The following CATSPER3 variants were observed in gnomAD, a reference collection of about 807,000 sequenced individuals.
The protein encoded by CATSPER3 is cation channel sperm-associated protein 3.
In CATSPER3, 23 loss-of-function variants were observed where a neutral mutation model predicts 36.6. The observed-to-expected ratio is 0.63, with a 90% CI of 0.45 to 0.89. CATSPER3 has a LOEUF of 0.89. Among genes scored for constraint, CATSPER3 ranks in the 40% least tolerant of loss-of-function variants. The pLI is 0.00. For missense variants in CATSPER3, 474 were observed against 503.9 expected (o/e 0.94, Z 0.57); for synonymous variants, 172 against 184.1 (o/e 0.93, Z 0.53).
chr5:135,009,957 A>T (rs112317531), intron 6 of CATSPER3, among the ~76,000 whole-genome samples: 7,218 of 152,288 alleles, frequency 0.047, 561 homozygotes, highest in African/African-American at 0.16. Flanking sequence ...GCATGATGCA[A>T]CCATGAGGGA....
chr5:135,011,443 C>T (rs900239176), intron 7 of CATSPER3, 78 bp from the exon 8 acceptor site: 22 of 975,506 alleles, frequency 2.3e-5, no homozygotes, highest in Non-Finnish European at 2.9e-5. Flanking sequence ...CAGGTGCAAA[C>T]GTGTGGTCAG....
intron 3 of CATSPER3, among the ~76,000 whole-genome samples, chr5:135,005,059 A>G (rs116502445): frequency 9.1e-4 from 138 of 152,280 alleles, no homozygotes; most frequent in African/African-American, 3.3e-3. Context: ...AGGACCACAC[A>G]GGGAGGAGGG....
chr5:135,011,018 T>C (rs1383447605), intron 7 of CATSPER3, among the ~76,000 whole-genome samples: 1 of 152,068 alleles, frequency 6.6e-6, no homozygotes. Flanking sequence ...TCAGTGTGAG[T>C]CAGCTGGGAT....
At chr5:134,987,184 G>C (rs1751821800) in intron 2 of CATSPER3, among the ~76,000 whole-genome samples, 2 of 152,160 alleles carry the variant, frequency 1.3e-5, no homozygotes, top group Non-Finnish European at 2.9e-5. Context: ...CATTTCTACT[G>C]ATCTTATAGA....
intron 4 of CATSPER3, among the ~76,000 whole-genome samples, chr5:135,008,581 G>A (rs971710036): frequency 3.9e-5 from 6 of 152,134 alleles, no homozygotes; most frequent in Non-Finnish European, 8.8e-5. Context: ...GAGAGGCAGT[G>A]TCTTTCTGGG....
intron 2 of CATSPER3, among the ~76,000 whole-genome samples, chr5:134,979,213 T>C (rs1341393998): frequency 6.6e-6 from 1 of 152,112 alleles, no homozygotes; most frequent in East Asian, 1.9e-4. Flanking sequence ...CACAGATCGT[T>C]GCAGCCTCAG....
intron 2 of CATSPER3, among the ~76,000 whole-genome samples, chr5:134,984,155 C>T (rs1239032415): frequency 6.6e-6 from 1 of 152,156 alleles, no homozygotes; most frequent in African/African-American, 2.4e-5. Flanking sequence ...TAAAGACTTA[C>T]ATCTAACACC....
chr5:134,987,689 A>G (rs1751828588), intron 2 of CATSPER3, among the ~76,000 whole-genome samples: 1 of 152,212 alleles, frequency 6.6e-6, no homozygotes, highest in Non-Finnish European at 1.5e-5. Context: ...ACACCAGTAG[A>G]GTGAAGGAAA....
intron 2 of CATSPER3, among the ~76,000 whole-genome samples, chr5:134,978,597 T>C (rs1318809734): frequency 2.0e-5 from 3 of 152,178 alleles, no homozygotes; most frequent in East Asian, 3.8e-4. Flanking sequence ...AACATCATAC[T>C]GGAAGTCATG....
intron 3 of CATSPER3, among the ~76,000 whole-genome samples, chr5:135,006,838 A>G (rs1239808976): frequency 5.4e-5 from 3 of 55,432 alleles, no homozygotes; most frequent in African/African-American, 1.3e-4. Flanking sequence ...TCCGTCTCGA[A>G]AAAAAAAAAA....
intron 3 of CATSPER3, 54 bp from the exon 4 acceptor site, chr5:135,007,903 G>T (rs1316140180): frequency 2.3e-5 from 35 of 1,499,154 alleles, no homozygotes; most frequent in Non-Finnish European, 2.9e-5. Flanking sequence ...TCTGTCCCTG[G>T]AGCCCACCCA....
intron 2 of CATSPER3, chr5:134,995,494 C>T (rs1348423338): frequency 6.6e-6 from 1 of 152,306 alleles, no homozygotes; most frequent in Non-Finnish European, 1.5e-5. Flanking sequence ...ATTTTCCTTC[C>T]TGCCTGACAT....
At chr5:134,972,880 G>A (rs968782434) in intron 2 of CATSPER3, among the ~76,000 whole-genome samples, 20 of 152,176 alleles carry the variant, frequency 1.3e-4, no homozygotes, top group Admixed American at 1.3e-3. Context: ...GAAAGAGGGG[G>A]TGAAGGAAAC....
chr5:134,977,173 C>T (rs1490729858), intron 2 of CATSPER3, among the ~76,000 whole-genome samples: 1 of 152,222 alleles, frequency 6.6e-6, no homozygotes, highest in Non-Finnish European at 1.5e-5. Flanking sequence ...AATTTCTCTC[C>T]TGATAGGGCT....
rs1752148323 is a variant in CATSPER3, at chr5:135,009,415, G to A, written c.861G>A (p.Gln287=). Residue 287 remains glutamine (Q), a synonymous_variant, in exon 6 of 8, where the codon CAG becomes CAA. Transcript: ENST00000282611. ...AGCGAGAGCTGATGTTGGAGCAGCAGGAGATGCTCATGGGAGAGAAGCAGG... is the reference window on the plus strand; with the variant it reads ...AGCGAGAGCTGATGTTGGAGCAGCAAGAGATGCTCATGGGAGAGAAGCAGG... The part of the protein sequence containing the change: ...KFERELMLEQ[Q]EMLMGEKQVI... The A allele has an allele frequency of 6.2e-7, 1 of 1,611,938 alleles. No individual in the cohort carries two copies. Among genetic ancestry groups the A allele is most frequent in the Non-Finnish European group, 8.5e-7 (1 of 1,178,176 alleles).
intron 2 of CATSPER3, among the ~76,000 whole-genome samples, chr5:134,985,064 C>T (rs1561459920): frequency 1.3e-5 from 2 of 152,140 alleles, no homozygotes. Context: ...AGTGATCTGC[C>T]CACCTCAGCC....
intron 1 of CATSPER3, chr5:134,968,864 C>T (rs1751566773): frequency 6.6e-6 from 1 of 152,032 alleles, no homozygotes; most frequent in Non-Finnish European, 1.5e-5. Flanking sequence ...TCACCTATAA[C>T]CTCACCATCC....
intron 2 of CATSPER3, among the ~76,000 whole-genome samples, chr5:134,971,939 C>A (rs889103106): frequency 6.6e-6 from 1 of 152,100 alleles, no homozygotes; most frequent in African/African-American, 2.4e-5. Context: ...ACCACACCAT[C>A]TTCTAAAAGC....
At chr5:134,994,989 T>A (rs1751926700) in intron 2 of CATSPER3, among the ~76,000 whole-genome samples, 1 of 150,794 alleles carries the variant, frequency 6.6e-6, no homozygotes, top group Non-Finnish European at 1.5e-5. Flanking sequence ...TTTCTTTCCT[T>A]CCTCCCTCCC....
Sources: allele counts gnomAD v4.1 joint callset (sites outside exome capture counted in the v4.1 genomes callset), GRCh38; gene constraint gnomAD v4.1.1; transcripts MANE v1.5; gene names NCBI Gene and HGNC (gene_info 2026-07-23, HGNC 2026-07-21).